NOL4: variants seen among roughly 807,000 people sequenced by gnomAD.
NOL4 encodes the protein nucleolar protein 4.
A neutral mutation model predicts 75.9 loss-of-function variants in NOL4; 17 were observed. The observed-to-expected ratio is 0.22, with a 90% CI of 0.15 to 0.34. The LOEUF (loss-of-function observed/expected upper bound fraction) is 0.34. Among genes scored for constraint, NOL4 ranks in the 10% least tolerant of loss-of-function variants. The pLI, the probability that NOL4 is intolerant of heterozygous loss-of-function variation, is 1.00. For missense variants in NOL4, 614 were observed against 793.5 expected (o/e 0.77, Z 2.72); for synonymous variants, 292 against 289.9 (o/e 1.01, Z -0.07).
At chr18:34,091,490 A>G (rs1020978104) in intron 5 of NOL4, among the ~76,000 whole-genome samples, 1 of 152,234 alleles carries the variant, frequency 6.6e-6, no homozygotes, top group African/African-American at 2.4e-5. Flanking sequence ...ATAATGCACT[A>G]TCGTGGGAGA....
chr18:33,898,002 T>G (rs1479566221), intron 9 of NOL4, among the ~76,000 whole-genome samples: 1 of 152,062 alleles, frequency 6.6e-6, no homozygotes, highest in African/African-American at 2.4e-5. Context: ...CAGCCTTGAC[T>G]TCCTGGGCAA....
At chr18:33,921,470 T>TC (rs2067031241) in intron 9 of NOL4, among the ~76,000 whole-genome samples, 1 of 152,012 alleles carries the variant, frequency 6.6e-6, no homozygotes, top group African/African-American at 2.4e-5. Context: ...TGATCTGAAT[T>TC]GAAAAAAGGG....
chr18:33,869,863 C>A (rs568480526), intron 10 of NOL4, among the ~76,000 whole-genome samples: 1 of 152,016 alleles, frequency 6.6e-6, no homozygotes, highest in Non-Finnish European at 1.5e-5. Context: ...ATTGCTTCAT[C>A]AAACATCCAG....
intron 9 of NOL4, among the ~76,000 whole-genome samples, chr18:33,894,474 A>G (rs1385362630): frequency 1.3e-5 from 2 of 152,088 alleles, no homozygotes; most frequent in African/African-American, 4.8e-5. Context: ...TTTGTTCTTT[A>G]CAAAGATGCT....
intron 5 of NOL4, among the ~76,000 whole-genome samples, chr18:34,023,910 T>C (rs1240228833): frequency 2.0e-5 from 3 of 151,958 alleles, no homozygotes; most frequent in African/African-American, 7.3e-5. Context: ...CTCCATGAAT[T>C]AGTAGAGACC....
intron 6 of NOL4, among the ~76,000 whole-genome samples, chr18:33,970,711 C>T (rs1459178624): frequency 6.6e-6 from 1 of 151,222 alleles, no homozygotes; most frequent in Non-Finnish European, 1.5e-5. Context: ...GGAAAACTTA[C>T]TTCTTCAAGC....
intron 6 of NOL4, among the ~76,000 whole-genome samples, chr18:34,016,810 C>A (rs1056459137): frequency 6.6e-6 from 1 of 152,110 alleles, no homozygotes; most frequent in African/African-American, 2.4e-5. Context: ...TTTTAAAGGG[C>A]AGGAATCTTG....
chr18:33,896,250 C>T (rs1299971715), intron 9 of NOL4, among the ~76,000 whole-genome samples: 1 of 152,084 alleles, frequency 6.6e-6, no homozygotes, highest in South Asian at 2.1e-4. Flanking sequence ...AGATTCAATG[C>T]TATTCCTATC....
chr18:34,063,110 G>T (rs1479849378), intron 5 of NOL4, among the ~76,000 whole-genome samples: 1 of 152,012 alleles, frequency 6.6e-6, no homozygotes, highest in Non-Finnish European at 1.5e-5. Context: ...ACTCATTGCT[G>T]GGTGAGGTAT....
intron 9 of NOL4, among the ~76,000 whole-genome samples, chr18:33,899,084 T>A (rs553381179): frequency 6.6e-6 from 1 of 152,150 alleles, no homozygotes; most frequent in Non-Finnish European, 1.5e-5. Context: ...GAAAAAAAGA[T>A]GATAATACTC....
intron 10 of NOL4, among the ~76,000 whole-genome samples, chr18:33,880,305 C>CTGTGTGTGTGTGTGTGTGTG (rs61306180): frequency 6.9e-6 from 1 of 144,394 alleles, no homozygotes; most frequent in Non-Finnish European, 1.5e-5. Context: ...CAAAAGGGGT[C>CTGTGTGTGTGTGTGTGTGTG]TGTGTGTGTG....
intron 9 of NOL4, among the ~76,000 whole-genome samples, chr18:33,914,346 G>T (rs1436900161): frequency 1.3e-5 from 2 of 152,040 alleles, no homozygotes; most frequent in Non-Finnish European, 2.9e-5. Context: ...AAGTCTGTGT[G>T]GTAGGAAATT....
intron 1 of NOL4, among the ~76,000 whole-genome samples, chr18:34,218,766 C>T (rs186799428): frequency 6.3e-4 from 96 of 152,292 alleles, no homozygotes; most frequent in African/African-American, 1.7e-3. Context: ...GTGCTTCCAT[C>T]TCAGTGACCA....
Position 33,873,837 on chromosome 18 carries a change from G to T in NOL4, c.1723+9407C>A, listed in dbSNP as rs544804649. On this transcript the variant is annotated intron_variant, in intron 10 of 10. Coordinates refer to ENST00000261592, the MANE Select transcript of NOL4 (RefSeq NM_003787.5). The stretch of plus-strand genomic sequence containing the variant: ...ACATAATGGACAGGTAAAATAATAA[G>T]AAATACGCTTAGAATATCATGGGAA... Among the ~76,000 whole-genome samples the T allele has an allele frequency of 1.4e-4, 22 of 152,004 alleles. No individual in the cohort carries two copies. In the East Asian group the frequency reaches 3.3e-3, roughly 23 times the overall value.
At chr18:33,894,210 G>T (rs1022781892) in intron 9 of NOL4, among the ~76,000 whole-genome samples, 3 of 151,976 alleles carry the variant, frequency 2.0e-5, no homozygotes, top group African/African-American at 7.2e-5. Flanking sequence ...GAAATTCTGC[G>T]AGATCCAGTG....
chr18:33,988,219 C>A (rs2072617506), intron 6 of NOL4, among the ~76,000 whole-genome samples: 1 of 151,980 alleles, frequency 6.6e-6, no homozygotes, highest in African/African-American at 2.4e-5. Flanking sequence ...GAAATTAAAC[C>A]CTTAGCCAGA....
At chr18:34,040,164 C>T (rs1022044859) in intron 5 of NOL4, among the ~76,000 whole-genome samples, 29 of 151,916 alleles carry the variant, frequency 1.9e-4, no homozygotes, top group Admixed American at 1.2e-3. Flanking sequence ...TAAAAACGAT[C>T]GATTGATCTA....
At chr18:34,045,088 AT>A (rs1181913746) in intron 5 of NOL4, among the ~76,000 whole-genome samples, 3 of 151,648 alleles carry the variant, frequency 2.0e-5, no homozygotes, top group South Asian at 2.1e-4. Context: ...TTTTATATTA[AT>A]TTTTTTTGAG....
At chr18:34,131,506 A>C (rs1600684475) in intron 1 of NOL4, among the ~76,000 whole-genome samples, 1 of 152,120 alleles carries the variant, frequency 6.6e-6, no homozygotes, top group Non-Finnish European at 1.5e-5. Flanking sequence ...TTCTAACTGT[A>C]CCCACTAGTA....
Sources: gnomAD v4.1 joint callset for allele counts (sites outside exome capture counted in the v4.1 genomes callset) on GRCh38, gnomAD v4.1.1 for gene constraint, MANE v1.5 for transcripts, NCBI Gene and HGNC (gene_info 2026-07-23, HGNC 2026-07-21) for gene names.